Variants in SMAD9 observed in about 807,000 individuals in gnomAD.
SMAD9 encodes MAD homolog 9.
Under a neutral mutation model 46.1 loss-of-function variants are expected in SMAD9, and 36 were observed. The observed-to-expected ratio is 0.78, with a 90% confidence interval of 0.60 to 1.03. The LOEUF (loss-of-function observed/expected upper bound fraction) is 1.03, where lower values mean the gene tolerates loss of function less well. Among genes scored for constraint, SMAD9 ranks in the 50% least tolerant of loss-of-function variants. The pLI, the probability that SMAD9 is intolerant of heterozygous loss-of-function variation, is 0.00. For missense variants in SMAD9, 572 were observed against 599.8 expected (o/e 0.95, Z 0.48); for synonymous variants, 245 against 237.1 (o/e 1.03, Z -0.31).
chr13:36,917,744 A>G (rs1421156341), intron 1 of SMAD9, among the ~76,000 whole-genome samples: 3 of 152,244 alleles, frequency 2.0e-5, no homozygotes, highest in Non-Finnish European at 4.4e-5. Context: ...AAAGCAGAAC[A>G]TGATGAAACT....
chr13:36,877,393 T>A (rs1409072238), intron 2 of SMAD9, among the ~76,000 whole-genome samples: 1 of 152,152 alleles, frequency 6.6e-6, no homozygotes, highest in East Asian at 1.9e-4. Context: ...GTCAAATAGT[T>A]CTTTAAAATT....
At position 36,847,802 on chromosome 13, in the gene SMAD9, A is replaced by G. The variant is rs1010244948; in HGVS notation, c.*874T>C. The G allele has an allele frequency of 6.6e-6, 1 of 152,220 alleles. No homozygotes were observed. Among genetic ancestry groups the G allele is most frequent in the Non-Finnish European group, 1.5e-5 (1 of 68,040 alleles). 9.4% of individuals were successfully genotyped at this position (152,220 alleles called of 1,614,324 possible). ...ACCTGCTTCTTGACACAGGACTGAA[A>G]CACAAGCTATTCTGGCACGCTGCGC... On this transcript the variant is annotated 3_prime_UTR_variant, in exon 7 of 7. Transcript: ENST00000379826.
intron 1 of SMAD9, among the ~76,000 whole-genome samples, chr13:36,909,963 C>T (rs1457854111): frequency 6.6e-6 from 1 of 152,038 alleles, no homozygotes; most frequent in Non-Finnish European, 1.5e-5. Flanking sequence ...TTTGGGAGGC[C>T]GAGGCGGGTG....
At chr13:36,915,039 A>G (rs1277187690) in intron 1 of SMAD9, among the ~76,000 whole-genome samples, 2 of 152,254 alleles carry the variant, frequency 1.3e-5, no homozygotes, top group African/African-American at 4.8e-5. Context: ...AACAGGCTGT[A>G]TGGAAGAAGA....
At chr13:36,903,106 C>G (rs1423774510) in intron 1 of SMAD9, among the ~76,000 whole-genome samples, 1 of 117,412 alleles carries the variant, frequency 8.5e-6, no homozygotes, top group African/African-American at 2.7e-5. Flanking sequence ...CCGAGGGGCT[C>G]TTTCTTTTTT....
intron 1 of SMAD9, among the ~76,000 whole-genome samples, chr13:36,900,684 TACACACACACACACACACACAC>T (rs58756918): frequency 2.0e-4 from 29 of 142,876 alleles, no homozygotes; most frequent in African/African-American, 7.0e-4. Context: ...TCATTATGAC[TACACACACACACACACACACAC>T]ACACACACAC....
chr13:36,884,276 C>T (rs561074638), intron 1 of SMAD9, among the ~76,000 whole-genome samples: 4 of 152,254 alleles, frequency 2.6e-5, no homozygotes, highest in South Asian at 2.1e-4. Context: ...ATATACTGGG[C>T]GTTCCTGTGT....
At chr13:36,870,823 C>G (rs2058285774) in intron 3 of SMAD9, among the ~76,000 whole-genome samples, 1 of 152,146 alleles carries the variant, frequency 6.6e-6, no homozygotes, top group African/African-American at 2.4e-5. Flanking sequence ...AGCATCACTA[C>G]TCTTGCACTC....
chr13:36,850,855 A>G (rs1046459124), intron 6 of SMAD9, among the ~76,000 whole-genome samples: 1 of 152,094 alleles, frequency 6.6e-6, no homozygotes. Context: ...CGGACATCTC[A>G]ATTACACCTG....
rs1426272766 is a variant in SMAD9 at position 36,920,163 on chromosome 13, G to C, written c.-234C>G. On this transcript the variant is annotated 5_prime_UTR_variant, in exon 1 of 7. Transcript: ENST00000379826. ...GCCTGCAGGGCCCGGCGGCGGCGGC[G>C]GGGACCGAGACAGCGGCTGCAGCAG... 1 of 151,342 alleles carries C rather than the reference G, an allele frequency of 6.6e-6. No homozygotes were observed. The highest frequency in any genetic ancestry group is 2.5e-5 in the African/African-American group (1 of 39,338). The allele number at this position is 151,342 out of a possible 1,614,324, so 9.4% of individuals were successfully genotyped here.
intron 3 of SMAD9, among the ~76,000 whole-genome samples, chr13:36,871,554 T>A (rs181773994): frequency 3.3e-5 from 5 of 152,208 alleles, no homozygotes; most frequent in Admixed American, 2.0e-4. Context: ...AATAAACGCC[T>A]GTGTAGTAAT....
intron 3 of SMAD9, among the ~76,000 whole-genome samples, chr13:36,867,869 G>A (rs986918619): frequency 9.2e-5 from 14 of 152,134 alleles, no homozygotes; most frequent in Non-Finnish European, 1.6e-4. Context: ...CCCAAGGCAC[G>A]CTGAGAAGGG....
chr13:36,893,575 C>A (rs1465103745), intron 1 of SMAD9, among the ~76,000 whole-genome samples: 1 of 151,220 alleles, frequency 6.6e-6, no homozygotes, highest in Non-Finnish European at 1.5e-5. Context: ...ACGAAATAAT[C>A]TTACAATTGA....
intron 2 of SMAD9, among the ~76,000 whole-genome samples, chr13:36,878,346 T>C (rs2058367061): frequency 6.6e-6 from 1 of 152,180 alleles, no homozygotes; most frequent in South Asian, 2.1e-4. Flanking sequence ...TCTGTTCATA[T>C]ACATTCAATA....
chr13:36,898,626 G>C (rs1229747310), intron 1 of SMAD9, among the ~76,000 whole-genome samples: 1 of 152,060 alleles, frequency 6.6e-6, no homozygotes, highest in African/African-American at 2.4e-5. Flanking sequence ...AAATTAGCAT[G>C]TTTCACCATA....
chr13:36,884,921 G>A (rs1054643054), intron 1 of SMAD9, among the ~76,000 whole-genome samples: 14 of 152,212 alleles, frequency 9.2e-5, no homozygotes, highest in Non-Finnish European at 1.6e-4. Context: ...CTCAGCCCAG[G>A]GGGTCAGGGA....
intron 2 of SMAD9, among the ~76,000 whole-genome samples, chr13:36,877,975 G>C (rs1486671397): frequency 1.3e-5 from 2 of 152,158 alleles, no homozygotes; most frequent in Non-Finnish European, 2.9e-5. Flanking sequence ...TTGGTTTCCT[G>C]GGATGAGGCA....
chr13:36,894,240 G>T (rs1480719026), intron 1 of SMAD9, among the ~76,000 whole-genome samples: 5 of 152,126 alleles, frequency 3.3e-5, no homozygotes, highest in African/African-American at 9.7e-5. Flanking sequence ...AGAGGGACCT[G>T]GTGAGAGATA....
rs1036807852 is a variant in SMAD9, at chr13:36,896,272, A to G, written c.-186-16397T>C. Among the ~76,000 whole-genome samples the G allele has an allele frequency of 2.6e-5, 4 of 152,204 alleles. No homozygotes were observed. In the South Asian group the frequency reaches 6.3e-4, roughly 24 times the overall value. On this transcript the variant is annotated intron_variant, in intron 1 of 6. Coordinates refer to ENST00000379826, the MANE Select transcript of SMAD9 (RefSeq NM_001127217.3). ...CTCAGCCTCCCGAGTAGCTAGGACT[A>G]TAGGCACATGCCACCATGCCCAGCT... is the stretch of plus-strand genomic sequence containing the variant.
Sources: allele counts gnomAD v4.1 joint callset (sites outside exome capture counted in the v4.1 genomes callset), GRCh38; gene constraint gnomAD v4.1.1; transcripts MANE v1.5; gene names NCBI Gene and HGNC (gene_info 2026-07-23, HGNC 2026-07-21).